Variants in TNS1 observed in about 807,000 individuals in gnomAD.
The protein encoded by TNS1 is tensin-1.
Under a neutral mutation model 168.6 loss-of-function variants are expected in TNS1, and 62 were observed. The observed-to-expected ratio is 0.37, with a 90% CI of 0.30 to 0.45. TNS1 has a LOEUF of 0.45. TNS1 is among the 20% of genes least tolerant of loss of function. TNS1 has a pLI of 1.00. For synonymous variants in TNS1, 934 were observed against 933.2 expected, an observed-to-expected ratio of 1.00 and a Z score of -0.02; for missense variants, 2,240 against 2,339.4, an observed-to-expected ratio of 0.96 and a Z score of 0.88.
intron 28 of TNS1, among the ~76,000 whole-genome samples, chr2:217,810,879 A>ATT (rs5838670): frequency 0.15 from 22,071 of 144,586 alleles, 2,470 homozygotes; most frequent in African/African-American, 0.32. Flanking sequence ...ATGGTACATA[A>ATT]TTTTTTTTTT....
At chr2:217,921,667 T>C (rs1269433274) in intron 3 of TNS1, among the ~76,000 whole-genome samples, 1 of 152,136 alleles carries the variant, frequency 6.6e-6, no homozygotes, top group African/African-American at 2.4e-5. Flanking sequence ...GAGGCCCAAA[T>C]GGAGTCCTAG....
chr2:217,888,109 A>G (rs1951385957), intron 12 of TNS1, among the ~76,000 whole-genome samples: 1 of 152,202 alleles, frequency 6.6e-6, no homozygotes, highest in African/African-American at 2.4e-5. Flanking sequence ...TCTGATGGGC[A>G]GCACCCGATC....
At chr2:217,871,596 A>G (rs2125595397) in intron 18 of TNS1, among the ~76,000 whole-genome samples, 1 of 152,366 alleles carries the variant, frequency 6.6e-6, no homozygotes, top group South Asian at 2.1e-4. Flanking sequence ...GAATGTCAGA[A>G]CCTGAGAAAA....
intron 3 of TNS1, among the ~76,000 whole-genome samples, chr2:217,976,842 G>A (rs1301815100): frequency 6.6e-6 from 1 of 152,222 alleles, no homozygotes; most frequent in Non-Finnish European, 1.5e-5. Context: ...GAGATGGAAA[G>A]CAAAAGGAAG....
In TNS1 at chr2:217,859,472, C is replaced by T. The variant is rs1008266533; in HGVS notation, c.1430-10385G>A. 6 of 623,198 alleles carry T rather than the reference C, an allele frequency of 9.6e-6. No homozygotes were observed. The African/African-American group carries it at 1.1e-4, about 11-fold the overall frequency. The allele number at this position is 623,198 out of a possible 1,614,324, so 38.6% of individuals were successfully genotyped here. On this transcript the variant is annotated intron_variant, in intron 18 of 32. Coordinates refer to ENST00000682258, the MANE Select transcript of TNS1 (RefSeq NM_001387777.1). ...GTCCTGCACTTCCCAGAGGTGAACA[C>T]AGGACCTGAATAGAAGGACTGGGGT... is the stretch of plus-strand genomic sequence containing the variant.
At chr2:217,904,695 T>C (rs925924885) in intron 6 of TNS1, among the ~76,000 whole-genome samples, 2 of 152,194 alleles carry the variant, frequency 1.3e-5, no homozygotes, top group Non-Finnish European at 2.9e-5. Flanking sequence ...GCCACCTCTT[T>C]CTTCCCTAGG....
At position 217,886,578 on chromosome 2, in the gene TNS1, T is replaced by C; in HGVS notation, c.935A>G (p.His312Arg). 1 of 1,606,144 alleles carries C rather than the reference T, an allele frequency of 6.2e-7. No homozygotes were observed. The highest frequency in any genetic ancestry group is 2.2e-5 in the East Asian group (1 of 44,718). Reference sequence around the variant, plus strand: ...GGGGATGCCGTGCATGATCACGTGGTGCAGAAACAAGGGCTTGTTGTTCAT... The same window carrying C: ...GGGGATGCCGTGCATGATCACGTGGCGCAGAAACAAGGGCTTGTTGTTCAT... Reference protein sequence around the residue: ...IKMNNKPLFLHHVIMHGIPNF... With the variant: ...IKMNNKPLFLRHVIMHGIPNF... Residue 312 changes from histidine to arginine, a missense_variant, in exon 13 of 33, where the codon CAC becomes CGC. Transcript: ENST00000682258.
intron 3 of TNS1, among the ~76,000 whole-genome samples, chr2:217,956,051 C>T (rs1559386656): frequency 6.6e-6 from 1 of 152,112 alleles, no homozygotes; most frequent in East Asian, 1.9e-4. Flanking sequence ...GTCCCAGAGT[C>T]ACGGAAGGCT....
At chr2:218,015,183 C>A (rs1341671869), upstream of TNS1, among the ~76,000 whole-genome samples, 1 of 152,084 alleles carries the variant, frequency 6.6e-6, no homozygotes, top group East Asian at 1.9e-4. Context: ...CCTGCCCCTG[C>A]CCCTGATTTA....
At chr2:217,836,375 C>G (rs1945180261) in intron 19 of TNS1, among the ~76,000 whole-genome samples, 164 bp from the exon 20 acceptor site, 1 of 152,228 alleles carries the variant, frequency 6.6e-6, no homozygotes, top group African/African-American at 2.4e-5. Flanking sequence ...GGGTCCAACT[C>G]TGTTCACACC....
At position 218,032,357 on chromosome 2, in the gene TNS1, G is replaced by A. The variant is rs1016191464; in HGVS notation, c.156+1463C>T. Among the ~76,000 whole-genome samples the A allele has an allele frequency of 1.3e-5, 2 of 152,206 alleles. No individual in the cohort carries two copies. Among genetic ancestry groups the A allele is most frequent in the African/African-American group, 4.8e-5 (2 of 41,446 alleles). On this transcript the variant is annotated intron_variant, in intron 1 of 1. Coordinates refer to the TNS1 transcript ENST00000649572. This position sits in a 1 kb window ranked among gnomAD's most constrained non-coding sequence, Gnocchi z 4.0. The stretch of plus-strand genomic sequence containing the variant: ...GGAGGACAGCCTGCTTGTGGAGGAG[G>A]AGGCAGCATGACAGGGGAAGGGGGC...
intron 28 of TNS1, among the ~76,000 whole-genome samples, chr2:217,811,615 C>T (rs1940920493): frequency 1.3e-5 from 2 of 152,304 alleles, no homozygotes; most frequent in East Asian, 1.9e-4. Flanking sequence ...AGACCTTGCA[C>T]TGCGGGTGAG....
At chr2:217,990,349 C>G (rs1958330629) in intron 2 of TNS1, among the ~76,000 whole-genome samples, 1 of 150,556 alleles carries the variant, frequency 6.6e-6, no homozygotes, top group Admixed American at 6.6e-5. Flanking sequence ...CACACACCAG[C>G]CACACACCCT....
At chr2:217,825,877 C>G (rs1444065755) in intron 22 of TNS1, among the ~76,000 whole-genome samples, 1 of 152,226 alleles carries the variant, frequency 6.6e-6, no homozygotes, top group Non-Finnish European at 1.5e-5. Flanking sequence ...AGCTCCTAAA[C>G]TGCAGAACAC....
chr2:218,029,509 C>T (rs554759730), intron 1 of TNS1, among the ~76,000 whole-genome samples: 6 of 152,334 alleles, frequency 3.9e-5, no homozygotes, highest in African/African-American at 1.2e-4. Context: ...ATGACTCGAA[C>T]GCCTGTCAAT....
At chr2:217,925,447 C>T (rs552864777) in intron 3 of TNS1, among the ~76,000 whole-genome samples, 31 of 152,280 alleles carry the variant, frequency 2.0e-4, no homozygotes, top group Non-Finnish European at 3.5e-4. Context: ...TCCCAAACTC[C>T]TAAGCTTGCC....
In TNS1 at chr2:217,978,777, T is replaced by C. The variant is rs1163361691; in HGVS notation, c.174A>G (p.Lys58=). 8.5e-6 allele frequency: 6 copies of C among 702,072 alleles called. No individual in the cohort carries two copies. Among genetic ancestry groups the C allele is most frequent in the Non-Finnish European group, 7.8e-6 (3 of 384,524 alleles). 43.5% of individuals were successfully genotyped at this position (702,072 alleles called of 1,614,324 possible). A position where few individuals can be genotyped will look rare whatever the true frequency, so the allele number is the denominator to read the frequency against. The change falls in exon 3 of 33, where the codon AAA becomes AAG. Residue 58 remains lysine (K), a synonymous_variant. Coordinates refer to ENST00000682258, the MANE Select transcript of TNS1 (RefSeq NM_001387777.1). ...CKVCSFSCHR[K]CQAKVAAPCV... ...CGCGGCCCCTTACCTTGGCCTGGCA[T>C]TTCCGATGACAGGAGAAGCTGCAGA...
intron 18 of TNS1, among the ~76,000 whole-genome samples, chr2:217,852,922 A>G (rs3791972): frequency 0.093 from 14,142 of 152,062 alleles, 1,018 homozygotes; most frequent in East Asian, 0.33. Flanking sequence ...TCCTCTTCCT[A>G]TCCAAGGGAG....
Position 217,848,369 on chromosome 2 carries a change from G to A in TNS1, c.2148C>T (p.Tyr716=). 1 of 1,543,158 alleles carries A rather than the reference G, an allele frequency of 6.5e-7. No homozygotes were observed. The highest frequency in any genetic ancestry group is 1.3e-5 in the South Asian group (1 of 79,450). Residue 716 remains tyrosine (Y), a synonymous_variant, in exon 19 of 33, where the codon TAC becomes TAT. Coordinates refer to ENST00000682258, the MANE Select transcript of TNS1 (RefSeq NM_001387777.1). ...AGGCTGGGTGGGGCCCCTCCCTCTGGTAGCCAGCTAAACCCTCCTGTGCAG... is the reference window on the plus strand; with the variant it reads ...AGGCTGGGTGGGGCCCCTCCCTCTGATAGCCAGCTAAACCCTCCTGTGCAG... ...SYSAQEGLAG[Y]QREGPHPAWP... is the part of the protein sequence containing the mutation.
Sources: allele counts gnomAD v4.1 joint callset (sites outside exome capture counted in the v4.1 genomes callset), GRCh38; gene constraint gnomAD v4.1.1; non-coding constraint Gnocchi (gnomAD v3.1); transcripts MANE v1.5; gene names NCBI Gene and HGNC (gene_info 2026-07-23, HGNC 2026-07-21).